The following MXRA7 variants were observed in gnomAD, a reference collection of about 807,000 sequenced individuals.
MXRA7 encodes the protein matrix remodeling associated 7.
In MXRA7, 18 loss-of-function variants were observed where a neutral mutation model predicts 17.4. The ratio of observed to expected loss-of-function variants is 1.03; its 90% CI spans 0.71 to 1.53. The LOEUF is 1.53. Among genes scored for constraint, MXRA7 ranks in the 40% most tolerant of loss-of-function variants. The pLI is 0.00. For synonymous variants in MXRA7, 70 were observed against 101.7 expected, an observed-to-expected ratio of 0.69 and a Z score of 1.87; for missense variants, 141 against 209.3, an observed-to-expected ratio of 0.67 and a Z score of 2.01.
chr17:76,677,459 A>G, downstream of MXRA7: 2 of 644,288 alleles, frequency 3.1e-6, no homozygotes, highest in South Asian at 1.8e-5. Flanking sequence ...GCAAGTACCT[A>G]TAGAATGTAC....
chr17:76,688,004 C>A (rs1490451172), intron 2 of MXRA7, 109 bp downstream of exon 2: 5 of 823,496 alleles, frequency 6.1e-6, no homozygotes, highest in Non-Finnish European at 9.8e-6. Flanking sequence ...CACTGTCCCA[C>A]CCCATCCCTC....
intron 1 of MXRA7, among the ~76,000 whole-genome samples, chr17:76,699,827 C>T (rs1256052925): frequency 1.3e-5 from 2 of 152,192 alleles, no homozygotes; most frequent in African/African-American, 4.8e-5. Flanking sequence ...GCAGAGACTG[C>T]TGCAAGGAGG....
chr17:76,708,756 C>T (rs1453943321), intron 1 of MXRA7, among the ~76,000 whole-genome samples: 3 of 152,116 alleles, frequency 2.0e-5, no homozygotes, highest in Non-Finnish European at 4.4e-5. Flanking sequence ...GGAGCTTTGG[C>T]CAGCTCAGGA....
chr17:76,680,762 C>T lies in MXRA7; in HGVS notation c.*105G>A, dbSNP rs545761230. 39 of 1,528,250 alleles carry T rather than the reference C, an allele frequency of 2.6e-5. No homozygotes were observed. Among genetic ancestry groups the T allele is most frequent in the Non-Finnish European group, 3.3e-5 (37 of 1,138,310 alleles). 94.7% of individuals were successfully genotyped at this position (1,528,250 alleles called of 1,614,324 possible). On this transcript the variant is annotated 3_prime_UTR_variant, in exon 4 of 4. Coordinates refer to ENST00000449428, the MANE Select transcript of MXRA7 (RefSeq NM_198530.4). ...AGCAGATTTATGGAGGCAGCATGCACCCTGGGAGCCTGCCCAGACTCCTCT... is the reference window on the plus strand; with the variant it reads ...AGCAGATTTATGGAGGCAGCATGCATCCTGGGAGCCTGCCCAGACTCCTCT...
downstream of MXRA7, chr17:76,675,403 T>A (rs901810396): frequency 7.1e-6 from 1 of 140,168 alleles, no homozygotes; most frequent in African/African-American, 2.8e-5. Context: ...TTTTTTTTTT[T>A]TTTTTTTTTT....
intron 1 of MXRA7, among the ~76,000 whole-genome samples, chr17:76,703,152 A>G (rs938733505): frequency 4.6e-5 from 7 of 152,092 alleles, no homozygotes; most frequent in Non-Finnish European, 1.0e-4. Context: ...TCCTCAGCAA[A>G]TAAGAATCAG....
intron 1 of MXRA7, among the ~76,000 whole-genome samples, chr17:76,707,192 T>C (rs2076671645): frequency 6.6e-6 from 1 of 152,174 alleles, no homozygotes; most frequent in Non-Finnish European, 1.5e-5. Flanking sequence ...ATTGTATTTA[T>C]TTGTCATATT....
chr17:76,678,125 C>T (rs992008280), downstream of MXRA7, among the ~76,000 whole-genome samples: 5 of 151,864 alleles, frequency 3.3e-5, no homozygotes, highest in Admixed American at 1.3e-4. Flanking sequence ...AGGAATGAGC[C>T]GAAAGTGGAG....
At chr17:76,685,050 C>T in intron 3 of MXRA7, 22 bp downstream of exon 3, 1 of 1,606,166 alleles carries the variant, frequency 6.2e-7, no homozygotes, top group Non-Finnish European at 8.5e-7. Flanking sequence ...CGCCAGGCGC[C>T]AGCGAAGGGG....
At chr17:76,704,016 T>C in intron 1 of MXRA7, among the ~76,000 whole-genome samples, 1 of 149,726 alleles carries the variant, frequency 6.7e-6, no homozygotes, top group African/African-American at 2.5e-5. Flanking sequence ...AGCAGAAGAA[T>C]CACTTGAACC....
At chr17:76,708,456 C>T (rs1169500011) in intron 1 of MXRA7, among the ~76,000 whole-genome samples, 1 of 152,210 alleles carries the variant, frequency 6.6e-6, no homozygotes, top group African/African-American at 2.4e-5. Context: ...AGCCCCACTT[C>T]CCAACCCTGA....
Position 76,710,612 on chromosome 17 carries a change from G to C in MXRA7, c.335C>G (p.Ala112Gly). ...PAEAEEQAVE[A>G]RQEEEQDLDG... Reference sequence around the variant, plus strand: ...GAGGGCCCCGGTGCGTACCTGCCTCGCCTCCACCGCCTGCTCCTCCGCCTC... The same window carrying C: ...GAGGGCCCCGGTGCGTACCTGCCTCCCCTCCACCGCCTGCTCCTCCGCCTC... The change falls in exon 1 of 4, where the codon GCG (alanine) becomes GGG (glycine). Residue 112 changes from alanine to glycine, a missense_variant. This residue lies in a region of MXRA7 where 67 missense variants were observed against 80.3 expected (regional missense o/e 0.83). Coordinates refer to ENST00000449428, the MANE Select transcript of MXRA7 (RefSeq NM_198530.4). 1 of 1,379,610 alleles carries C rather than the reference G, an allele frequency of 7.2e-7. No individual in the cohort carries two copies. Among genetic ancestry groups the C allele is most frequent in the Non-Finnish European group, 9.4e-7 (1 of 1,062,260 alleles). The allele number at this position is 1,379,610 out of a possible 1,614,324, so 85.5% of individuals were successfully genotyped here.
intron 3 of MXRA7, chr17:76,683,814 A>G (rs1357565142): frequency 6.5e-7 from 1 of 1,546,354 alleles, no homozygotes. Context: ...GTAGAAGGGG[A>G]GCACCACTAG....
At position 76,710,784 on chromosome 17, in the gene MXRA7, C is replaced by A. The variant is rs1194979251; in HGVS notation, c.163G>T (p.Ala55Ser). ...TCGGGGGCGCAGGGGCGGGACGGCG[C>A]CGGGGCCCCGGTGGCCTCGGCCGGG... ...APPAEATGAP[A>S]PSRPCAPEPA... Residue 55 changes from alanine (A) to serine (S), a missense_variant, in exon 1 of 4, where the codon GCG becomes TCG. Around this residue, in one of 3 missense-constraint regions of MXRA7, gnomAD observed 72 missense variants for 111.9 expected, o/e 0.64. Coordinates refer to ENST00000449428, the MANE Select transcript of MXRA7 (RefSeq NM_198530.4). 3.1e-6 allele frequency: 3 copies of A among 982,796 alleles called. No homozygotes were observed. The highest frequency in any genetic ancestry group is 3.7e-6 in the Non-Finnish European group (3 of 813,692). The allele number at this position is 982,796 out of a possible 1,614,324, so 60.9% of individuals were successfully genotyped here.
intron 1 of MXRA7, among the ~76,000 whole-genome samples, chr17:76,690,683 C>T (rs926573837): frequency 2.6e-5 from 4 of 151,838 alleles, no homozygotes; most frequent in East Asian, 1.9e-4. Flanking sequence ...TATTTGGTTT[C>T]GGCCCCCAGT....
In MXRA7 at chr17:76,685,063, G is replaced by C. The variant is rs772777777; in HGVS notation, c.500+9C>G. ...CCCGCCAGGCGCCAGCGAAGGGGCT[G>C]CAGCCTACCTCTGCTCCTCCTCCAG... On this transcript the variant is annotated intron_variant, in intron 3 of 3. Transcript: ENST00000449428. The C allele has an allele frequency of 9.3e-6, 15 of 1,612,548 alleles. No homozygotes were observed. The African/African-American group carries it at 1.6e-4, about 17-fold the overall frequency.
At chr17:76,696,996 C>T (rs571712373) in intron 1 of MXRA7, among the ~76,000 whole-genome samples, 2 of 152,312 alleles carry the variant, frequency 1.3e-5, no homozygotes, top group East Asian at 1.9e-4. Context: ...CGCGGAGTTC[C>T]TGTCCATGCC....
intron 2 of MXRA7, among the ~76,000 whole-genome samples, chr17:76,687,504 GCTTT>G (rs1438965060): frequency 6.6e-6 from 1 of 152,218 alleles, no homozygotes; most frequent in Non-Finnish European, 1.5e-5. Flanking sequence ...GTCTGCCTCC[GCTTT>G]CTTTTTTAGA....
rs1224683306 is a variant in MXRA7 at position 76,685,179 on chromosome 17, A to T, written c.407-14T>A. Reference sequence around the variant, plus strand: ...AGAAGCCTTCTCCTGTGGAGGGGGGACCCAGTAAGTGCCAGGAGTGCTGTA... The same window carrying T: ...AGAAGCCTTCTCCTGTGGAGGGGGGTCCCAGTAAGTGCCAGGAGTGCTGTA... On this transcript the variant is annotated splice_polypyrimidine_tract_variant and intron_variant, in intron 2 of 3. Coordinates refer to ENST00000449428, the MANE Select transcript of MXRA7 (RefSeq NM_198530.4). 1.9e-6 allele frequency: 3 copies of T among 1,604,930 alleles called. No individual in the cohort carries two copies. Among genetic ancestry groups the T allele is most frequent in the African/African-American group, 1.3e-5 (1 of 74,316 alleles).
Sources: allele counts gnomAD v4.1 joint callset (sites outside exome capture counted in the v4.1 genomes callset), GRCh38; gene constraint gnomAD v4.1.1; regional missense constraint gnomAD v4.1.1; transcripts MANE v1.5; gene names NCBI Gene and HGNC (gene_info 2026-07-23, HGNC 2026-07-21).